CRYBG3: variants seen among roughly 807,000 people sequenced by gnomAD.
The protein encoded by CRYBG3 is crystallin beta-gamma domain containing 3, also known as very large A-kinase anchor protein.
In CRYBG3, 127 loss-of-function variants were observed where a neutral mutation model predicts 244.2. That is an observed-to-expected ratio of 0.52 (90% CI 0.45 to 0.60). CRYBG3 has a LOEUF of 0.60. Ranked by LOEUF, CRYBG3 falls within the 20% of genes least tolerant of loss-of-function variation. The probability of loss-of-function intolerance (pLI) is 0.00; values close to 1 mark genes in which losing one functional copy is unlikely to be tolerated. For synonymous variants in CRYBG3, 1,132 were observed against 1,195.8 expected, an observed-to-expected ratio of 0.95 and a Z score of 1.10; for missense variants, 3,325 against 3,442.5, an observed-to-expected ratio of 0.97 and a Z score of 0.85.
chr3:97,833,061 CAAG>C (rs1276864962), intron 1 of CRYBG3, among the ~76,000 whole-genome samples: 1 of 152,116 alleles, frequency 6.6e-6, no homozygotes, highest in Non-Finnish European at 1.5e-5. Flanking sequence ...CATCAGGAAA[CAAG>C]AGATACTGGA....
Position 97,912,152 on chromosome 3 carries a change from T to G in CRYBG3, c.8005-15T>G, listed in dbSNP as rs149163790. ...ATTTTTTTTCTATTTAACTGTTGTG[T>G]TGTTGTTCTTGTAGCTCAAAGCATT... On this transcript the variant is annotated splice_polypyrimidine_tract_variant and intron_variant, in intron 15 of 21. Transcript: ENST00000389622. The G allele has an allele frequency of 1.5e-4, 212 of 1,442,784 alleles. No individual in the cohort carries two copies. The African/African-American group carries it at 2.6e-3, about 17-fold the overall frequency. The allele number at this position is 1,442,784 out of a possible 1,614,324, so 89.4% of individuals were successfully genotyped here.
In CRYBG3 at chr3:97,873,498, C is replaced by G. The variant is rs888237517; in HGVS notation, c.2304C>G (p.Leu768=). 2 of 1,535,998 alleles carry G rather than the reference C, an allele frequency of 1.3e-6. No individual in the cohort carries two copies. The highest frequency in any genetic ancestry group is 3.9e-5 in the Admixed American group (2 of 51,000). Residue 768 remains leucine (L), a synonymous_variant, in exon 4 of 22, where the codon CTC becomes CTG. Transcript: ENST00000389622. ...LELLSFDSGN[L]SKDCSSILSQ... is the part of the protein sequence containing the mutation. ...TATTGAGCTTTGACTCTGGAAACCT[C>G]TCTAAGGATTGCAGTTCCATTTTAT...
In CRYBG3 at chr3:97,899,292, T is replaced by C. The variant is rs778445006; in HGVS notation, c.7971+29T>C. ...AGTGAAGTATGAACATAGCCAGTGC[T>C]GCATCATGTAATAGTATGCAATTAA... is the stretch of plus-strand genomic sequence containing the variant. On this transcript the variant is annotated intron_variant, in intron 14 of 21. Transcript: ENST00000389622. The C allele has an allele frequency of 3.8e-6, 6 of 1,596,090 alleles. No homozygotes were observed. In the East Asian group the frequency reaches 6.7e-5, roughly 18 times the overall value.
At position 97,877,946 on chromosome 3, in the gene CRYBG3, AAGG is replaced by A; in HGVS notation, c.6755_6757del (p.Gly2252del). The A allele has an allele frequency of 6.2e-7, 1 of 1,614,158 alleles. No individual in the cohort carries two copies. The highest frequency in any genetic ancestry group is 8.5e-7 in the Non-Finnish European group (1 of 1,180,006). ...ACTTCCCAAAGTCATTCCTCAGAAA[AAGG>A]AGCCAGATTTGGTGGAATTTTTCAG... On this transcript the variant is annotated inframe_deletion, in exon 4 of 22. Transcript: ENST00000389622.
chr3:97,846,995 A>G (rs1406997522), intron 2 of CRYBG3, among the ~76,000 whole-genome samples: 1 of 152,226 alleles, frequency 6.6e-6, no homozygotes, highest in South Asian at 2.1e-4. Flanking sequence ...GGTGGAAATC[A>G]TAGCAGAAGG....
intron 17 of CRYBG3, among the ~76,000 whole-genome samples, chr3:97,917,725 A>G (rs1338606141): frequency 6.6e-6 from 1 of 152,164 alleles, no homozygotes; most frequent in African/African-American, 2.4e-5. Context: ...TCTCTGGAAG[A>G]ACAAGGGAAA....
chr3:97,916,765 G>C (rs2039933362), intron 17 of CRYBG3, among the ~76,000 whole-genome samples: 1 of 152,018 alleles, frequency 6.6e-6, no homozygotes, highest in South Asian at 2.1e-4. Flanking sequence ...ACTAATTATA[G>C]AGTCTTGGCT....
At chr3:97,856,827 T>G (rs2039072694) in intron 2 of CRYBG3, among the ~76,000 whole-genome samples, 1 of 152,128 alleles carries the variant, frequency 6.6e-6, no homozygotes, top group Admixed American at 6.6e-5. Flanking sequence ...AATGGTTTAT[T>G]AATTTTGTTT....
In CRYBG3 at chr3:97,822,353, CAGGTGGGAGTCG is replaced by C; in HGVS notation, c.149+2_149+13del. 1 of 1,501,130 alleles carries C rather than the reference CAGGTGGGAGTCG, an allele frequency of 6.7e-7. No individual in the cohort carries two copies. The highest frequency in any genetic ancestry group is 8.9e-7 in the Non-Finnish European group (1 of 1,128,748). 93.0% of individuals were successfully genotyped at this position (1,501,130 alleles called of 1,614,324 possible). A position where few individuals can be genotyped will look rare whatever the true frequency, so the allele number is the denominator to read the frequency against. On this transcript the variant is annotated splice_donor_variant and splice_donor_5th_base_variant and coding_sequence_variant and intron_variant, in exon 1 of 22. Transcript: ENST00000389622. LOFTEE classifies it high-confidence loss of function. ...CTCCAGCTCCAGGCCGGTCCGCTGC[CAGGTGGGAGTCG>C]AGGAGGGGGTCGCGGGGGGGCCCTG...
intron 1 of CRYBG3, among the ~76,000 whole-genome samples, chr3:97,824,068 A>G (rs1576503439): frequency 6.6e-6 from 1 of 152,180 alleles, no homozygotes; most frequent in African/African-American, 2.4e-5. Flanking sequence ...AACTTGCCAG[A>G]TGTTAGGGGG....
At position 97,880,554 on chromosome 3, in the gene CRYBG3, T is replaced by C. The variant is rs141615574; in HGVS notation, c.7004+454T>C. Among the ~76,000 whole-genome samples, 9 of 152,340 alleles carry C rather than the reference T, an allele frequency of 5.9e-5. 1 individual carries two copies. Among genetic ancestry groups the C allele is most frequent in the African/African-American group, 2.2e-4 (9 of 41,578 alleles). Reference sequence around the variant, plus strand: ...ATGGTCTAAAAATGAGGGGCAACCCTATCTATTTATTATGGACCATGACCC... The same window carrying C: ...ATGGTCTAAAAATGAGGGGCAACCCCATCTATTTATTATGGACCATGACCC... On this transcript the variant is annotated intron_variant, in intron 6 of 21. Transcript: ENST00000389622.
At chr3:97,842,883 A>G (rs1169917863) in intron 1 of CRYBG3, among the ~76,000 whole-genome samples, 1 of 152,196 alleles carries the variant, frequency 6.6e-6, no homozygotes, top group Non-Finnish European at 1.5e-5. Context: ...GAGTGCTAGC[A>G]CTTGCCAGTG....
At chr3:97,840,874 A>G (rs887504681) in intron 1 of CRYBG3, among the ~76,000 whole-genome samples, 1 of 152,074 alleles carries the variant, frequency 6.6e-6, no homozygotes, top group Non-Finnish European at 1.5e-5. Context: ...AATCTTTATA[A>G]CATGATCTTT....
At chr3:97,856,718 A>C (rs1398669525) in intron 2 of CRYBG3, among the ~76,000 whole-genome samples, 1 of 151,968 alleles carries the variant, frequency 6.6e-6, no homozygotes, top group Non-Finnish European at 1.5e-5. Flanking sequence ...TATTCACAAA[A>C]ATTTCTGGTA....
chr3:97,854,808 A>G (rs2039041534), intron 2 of CRYBG3, among the ~76,000 whole-genome samples: 1 of 152,036 alleles, frequency 6.6e-6, no homozygotes, highest in Non-Finnish European at 1.5e-5. Context: ...CAACAGTGAC[A>G]GTTTGACTTC....
chr3:97,924,378 TCAAA>T (rs529595507), intron 17 of CRYBG3: 10 of 453,646 alleles, frequency 2.2e-5, no homozygotes, highest in African/African-American at 1.6e-4. Context: ...ATGGATTTCT[TCAAA>T]CAGAAAAAGC....
At chr3:97,879,649 T>C in intron 4 of CRYBG3, 55 bp from the exon 5 acceptor site, 3 of 1,225,190 alleles carry the variant, frequency 2.4e-6, no homozygotes, top group East Asian at 2.4e-5. Flanking sequence ...AAATGAATTA[T>C]GCATCTTTTC....
intron 18 of CRYBG3, among the ~76,000 whole-genome samples, chr3:97,934,581 C>T (rs958862812): frequency 4.6e-5 from 7 of 152,062 alleles, no homozygotes; most frequent in African/African-American, 1.7e-4. Context: ...TTTGAAATTC[C>T]GTGATAATCA....
At position 97,851,291 on chromosome 3, in the gene CRYBG3, A is replaced by C. The variant is rs191294745; in HGVS notation, c.216+8030A>C. ...TTTCCAAGTAATACGCGGCAGCCAG[A>C]TGTCTTAGTAGAACATTAACTAGAA... is the stretch of plus-strand genomic sequence containing the variant. On this transcript the variant is annotated intron_variant, in intron 2 of 21. Transcript: ENST00000389622. Among the ~76,000 whole-genome samples the C allele has an allele frequency of 2.7e-3, 417 of 152,336 alleles. 1 individual carries two copies. The highest frequency in any genetic ancestry group is 4.7e-3 in the Non-Finnish European group (318 of 68,030).
Sources: gnomAD v4.1 joint callset for allele counts (sites outside exome capture counted in the v4.1 genomes callset) on GRCh38, gnomAD v4.1.1 for gene constraint, MANE v1.5 for transcripts, NCBI Gene and HGNC (gene_info 2026-07-23, HGNC 2026-07-21) for gene names.